Variants in KIF23 observed in about 807,000 individuals in gnomAD.
The protein encoded by KIF23 is kinesin-like protein KIF23.
Under a neutral mutation model 137.5 loss-of-function variants are expected in KIF23, and 30 were observed. That is an observed-to-expected ratio of 0.22 (90% CI 0.16 to 0.30). The LOEUF (loss-of-function observed/expected upper bound fraction) is 0.30, where lower values mean the gene tolerates loss of function less well. Ranked by LOEUF, KIF23 falls within the 10% of genes least tolerant of loss-of-function variation. The pLI, the probability that KIF23 is intolerant of heterozygous loss-of-function variation, is 1.00. For missense variants in KIF23, 920 were observed against 1,194.3 expected (o/e 0.77, Z 3.38); for synonymous variants, 367 against 391.1 (o/e 0.94, Z 0.73).
In KIF23 at chr15:69,446,864, C is replaced by T; in HGVS notation, c.2839-7C>T. On this transcript the variant is annotated splice_region_variant and splice_polypyrimidine_tract_variant and intron_variant, in intron 22 of 23. Coordinates refer to ENST00000679126, the MANE Select transcript of KIF23 (RefSeq NM_001367805.3). ...TGATCTTTTTCCTCTTGTCATTTTC[C>T]TCTCAGTGTTCTGTGGCTGTGGAGA... is the stretch of plus-strand genomic sequence containing the variant. The T allele has an allele frequency of 6.2e-7, 1 of 1,613,814 alleles. No individual in the cohort carries two copies. The highest frequency in any genetic ancestry group is 1.7e-5 in the Admixed American group (1 of 60,020).
Position 69,414,407 on chromosome 15 carries a change from G to A in KIF23, c.-59G>A. The stretch of plus-strand genomic sequence containing the variant: ...TTCTTGCTGCCGGTCCTAACGTCCC[G>A]CAGTCTTCGCCAGCCAGCCGTCCCG... On this transcript the variant is annotated 5_prime_UTR_variant, in exon 1 of 24. Coordinates refer to ENST00000679126, the MANE Select transcript of KIF23 (RefSeq NM_001367805.3). The A allele has an allele frequency of 1.9e-6, 3 of 1,561,570 alleles. No individual in the cohort carries two copies. Among genetic ancestry groups the A allele is most frequent in the Non-Finnish European group, 1.7e-6 (2 of 1,153,056 alleles).
At chr15:69,436,067 G>A (rs2140379260) in intron 13 of KIF23, 71 bp from the exon 14 acceptor site, 1 of 1,564,380 alleles carries the variant, frequency 6.4e-7, no homozygotes, top group Non-Finnish European at 8.7e-7. Flanking sequence ...AGCAATCTTT[G>A]CTTCATTTAG....
chr15:69,440,711 G>T, intron 18 of KIF23, 57 bp from the exon 19 acceptor site: 1 of 1,403,918 alleles, frequency 7.1e-7, no homozygotes, highest in South Asian at 1.4e-5. Flanking sequence ...GAAAAGTAAT[G>T]AATTGTTTCT....
chr15:69,423,812 CAG>C (rs1882574865), intron 7 of KIF23, among the ~76,000 whole-genome samples: 1 of 152,144 alleles, frequency 6.6e-6, no homozygotes, highest in Non-Finnish European at 1.5e-5. Flanking sequence ...GTAATTCCAT[CAG>C]AGTTGAAATA....
chr15:69,434,499 T>C (rs1349363191), intron 11 of KIF23: 4 of 672,764 alleles, frequency 5.9e-6, no homozygotes, highest in Non-Finnish European at 5.4e-6. Context: ...AATCTCATAC[T>C]GACCACGCCG....
At chr15:69,435,987 G>A (rs1162884575) in intron 13 of KIF23, 151 bp from the exon 14 acceptor site, 4 of 1,161,490 alleles carry the variant, frequency 3.4e-6, no homozygotes, top group Non-Finnish European at 4.8e-6. Flanking sequence ...GGAGGTCGAA[G>A]CTGCAGTGAG....
rs533611213 is a variant in KIF23 at position 69,440,806 on chromosome 15, G to A, written c.2148G>A (p.Gln716=). The change falls in exon 19 of 24, where the codon CAG becomes CAA. Residue 716 remains glutamine (Q), a synonymous_variant. Coordinates refer to ENST00000679126, the MANE Select transcript of KIF23 (RefSeq NM_001367805.3). ...SNYIAQISNG[Q]QLMSQPQLHR... The stretch of plus-strand genomic sequence containing the variant: ...ATATTGCTCAGATTTCCAACGGCCA[G>A]CAACTCATGAGCCAGCCACAGCTAC... 16 of 1,612,318 alleles carry A rather than the reference G, an allele frequency of 9.9e-6. No homozygotes were observed. Among genetic ancestry groups the A allele is most frequent in the African/African-American group, 1.3e-5 (1 of 75,002 alleles).
At position 69,436,265 on chromosome 15, in the gene KIF23, T is replaced by C; in HGVS notation, c.1438+4T>C. 6.2e-7 allele frequency: 1 copy of C among 1,611,396 alleles called. No individual in the cohort carries two copies. ...CCTCGAGGTCCAGTTGGAAATGGTA[T>C]GATTTGGTGTTGTATCATTTGTCCA... On this transcript the variant is annotated splice_donor_region_variant and intron_variant, in intron 14 of 23. Transcript: ENST00000679126.
intron 15 of KIF23, among the ~76,000 whole-genome samples, chr15:69,437,412 A>C (rs1010097934): frequency 6.6e-6 from 1 of 151,306 alleles, no homozygotes; most frequent in Non-Finnish European, 1.5e-5. Context: ...AGAACAGTAA[A>C]TTCTGGTACA....
chr15:69,417,617 A>G, intron 3 of KIF23, 106 bp downstream of exon 3: 1 of 1,255,302 alleles, frequency 8.0e-7, no homozygotes. Flanking sequence ...ACATTTTCAA[A>G]AGACTTATTT....
At chr15:69,435,055 C>A (rs764863576) in intron 11 of KIF23, 12 of 524,896 alleles carry the variant, frequency 2.3e-5, no homozygotes, top group Non-Finnish European at 2.4e-5. Context: ...AGTTCCTCCC[C>A]ACACAGACGA....
In KIF23 at chr15:69,436,735, C is replaced by A; in HGVS notation, c.1597+13C>A. 6.9e-7 allele frequency: 1 copy of A among 1,440,286 alleles called. No homozygotes were observed. The highest frequency in any genetic ancestry group is 9.3e-7 in the Non-Finnish European group (1 of 1,077,182). The allele number at this position is 1,440,286 out of a possible 1,614,324, so 89.2% of individuals were successfully genotyped here. ...TTTAACAAACAATGTAAGGGCAAAACTATTTGAAATAATTTTATTTAATTA... is the reference window on the plus strand; with the variant it reads ...TTTAACAAACAATGTAAGGGCAAAAATATTTGAAATAATTTTATTTAATTA... On this transcript the variant is annotated intron_variant, in intron 15 of 23. Coordinates refer to ENST00000679126, the MANE Select transcript of KIF23 (RefSeq NM_001367805.3).
intron 22 of KIF23, 87 bp downstream of exon 22, chr15:69,446,451 T>C: frequency 9.8e-7 from 1 of 1,025,610 alleles, no homozygotes; most frequent in Non-Finnish European, 1.5e-6. Flanking sequence ...TTATGCTCTT[T>C]GAAAATGCTG....
intron 19 of KIF23, among the ~76,000 whole-genome samples, chr15:69,442,288 C>T (rs1174776549): frequency 6.6e-6 from 1 of 152,102 alleles, no homozygotes; most frequent in Non-Finnish European, 1.5e-5. Flanking sequence ...TTTACATTTG[C>T]CTCATTCAAG....
chr15:69,443,982 T>A (rs2057689241), intron 19 of KIF23: 1 of 151,778 alleles, frequency 6.6e-6, no homozygotes, highest in South Asian at 2.1e-4. Flanking sequence ...TTTGTTTTGT[T>A]TTGTTTTTGT....
At chr15:69,419,300 C>CAA in intron 3 of KIF23, among the ~76,000 whole-genome samples, 1 of 152,330 alleles carries the variant, frequency 6.6e-6, no homozygotes, top group South Asian at 2.1e-4. Flanking sequence ...ACAGAGCAGA[C>CAA]AGTGATCTTT....
At chr15:69,436,304 C>T (rs373379150) in intron 14 of KIF23, 43 bp downstream of exon 14, 1 of 1,565,218 alleles carries the variant, frequency 6.4e-7, no homozygotes, top group East Asian at 2.3e-5. Flanking sequence ...ATTGGTCTGT[C>T]TGTTTCTCTC....
intron 15 of KIF23, among the ~76,000 whole-genome samples, chr15:69,437,978 A>G (rs532230471): frequency 1.3e-5 from 2 of 152,342 alleles, no homozygotes; most frequent in South Asian, 4.1e-4. Context: ...TGTGAAGCAA[A>G]GTACCTGTAA....
chr15:69,436,942 A>G (rs2057497937), intron 15 of KIF23, among the ~76,000 whole-genome samples: 1 of 152,074 alleles, frequency 6.6e-6, no homozygotes, highest in Non-Finnish European at 1.5e-5. Context: ...GTTAGTAGAG[A>G]CGGGGTTTCG....
Sources: allele counts gnomAD v4.1 joint callset (sites outside exome capture counted in the v4.1 genomes callset), GRCh38; gene constraint gnomAD v4.1.1; transcripts MANE v1.5; gene names NCBI Gene and HGNC (gene_info 2026-07-23, HGNC 2026-07-21).